Variants in SMG1 observed in about 807,000 individuals in gnomAD.
The protein encoded by SMG1 is SMG1 nonsense mediated mRNA decay associated PI3K related kinase, also known as serine/threonine-protein kinase SMG1.
Under a neutral mutation model 419.9 loss-of-function variants are expected in SMG1, and 22 were observed. The observed-to-expected ratio is 0.05, with a 90% CI of 0.04 to 0.07. The LOEUF (loss-of-function observed/expected upper bound fraction) is 0.07. Among genes scored for constraint, SMG1 ranks in the 10% least tolerant of loss-of-function variants. The probability of loss-of-function intolerance (pLI) is 1.00; values close to 1 mark genes in which losing one functional copy is unlikely to be tolerated. For missense variants in SMG1, 3,185 were observed against 4,342.0 expected (o/e 0.73, Z 7.49); for synonymous variants, 1,538 against 1,553.5 (o/e 0.99, Z 0.23).
intron 1 of SMG1, chr16:18,911,683 T>C (rs1041678550): frequency 2.0e-5 from 3 of 152,112 alleles, no homozygotes; most frequent in African/African-American, 7.2e-5. Context: ...CAGCTGGTAG[T>C]GCCAATACAA....
intron 60 of SMG1, 51 bp downstream of exon 60, chr16:18,815,124 C>T (rs927516954): frequency 8.9e-7 from 1 of 1,119,314 alleles, no homozygotes. Context: ...AACATCTTAG[C>T]ATCTATGTGT....
Position 18,829,462 on chromosome 16 carries a change from C to T in SMG1, c.9427G>A (p.Glu3143Lys). The T allele has an allele frequency of 6.2e-7, 1 of 1,613,996 alleles. No homozygotes were observed. Among genetic ancestry groups the T allele is most frequent in the East Asian group, 2.2e-5 (1 of 44,886 alleles). ...SVDDLCKKAV[E>K]HNIQIGKFSQ... ...AACTTCCCTATCTGGATGTTATGTT[C>T]CACCGCTTTCTTACAGAGATCATCA... The change falls in exon 54 of 63, where the codon GAA becomes AAA. Residue 3143 changes from glutamate (E) to lysine (K), a missense_variant. Physicochemically the swap from Glu to Lys is moderately conservative, Grantham distance 56. This residue lies in a region of SMG1 where 737 missense variants were observed against 846.6 expected (regional missense o/e 0.87). Coordinates refer to ENST00000446231, the MANE Select transcript of SMG1 (RefSeq NM_015092.5).
In SMG1 at chr16:18,842,896, A is replaced by G. The variant is rs555146165; in HGVS notation, c.6220-442T>C. Among the ~76,000 whole-genome samples the G allele has an allele frequency of 2.0e-5, 3 of 152,222 alleles. No homozygotes were observed. The East Asian group carries it at 5.8e-4, about 29-fold the overall frequency. Reference sequence around the variant, plus strand: ...TCTGCTGTTCTTATTTCTACATTTAACTCAGTACTGGGATCTGGGCCATCC... The same window carrying G: ...TCTGCTGTTCTTATTTCTACATTTAGCTCAGTACTGGGATCTGGGCCATCC... On this transcript the variant is annotated intron_variant, in intron 39 of 62. Coordinates refer to ENST00000446231, the MANE Select transcript of SMG1 (RefSeq NM_015092.5).
Position 18,885,578 on chromosome 16 carries a change from G to C in SMG1, c.911C>G (p.Ala304Gly). Residue 304 changes from alanine (A) to glycine (G), a missense_variant, in exon 7 of 63, where the codon GCT (alanine) becomes GGT (glycine). This residue lies in a region of SMG1 where 53 missense variants were observed against 56.3 expected (regional missense o/e 0.94). Transcript: ENST00000446231. The stretch of plus-strand genomic sequence containing the variant: ...GCTGAAAATATGAGGGTAACATCGA[G>C]CCACCAAAAGAATGCACTTAACACA... ...CKCVKCILLV[A>G]RCYPHIFSTN... The C allele has an allele frequency of 6.3e-7, 1 of 1,596,030 alleles. No homozygotes were observed. The highest frequency in any genetic ancestry group is 8.5e-7 in the Non-Finnish European group (1 of 1,179,554).
At chr16:18,885,041 G>A (rs1280604357) in intron 8 of SMG1, 49 bp downstream of exon 8, 1 of 648,860 alleles carries the variant, frequency 1.5e-6, no homozygotes, top group East Asian at 2.7e-5. Flanking sequence ...GGGGACCACT[G>A]CTCCTCCCCG....
At chr16:18,843,092 G>T (rs1487333544) in intron 39 of SMG1, among the ~76,000 whole-genome samples, 2 of 152,116 alleles carry the variant, frequency 1.3e-5, no homozygotes, top group Admixed American at 1.3e-4. Flanking sequence ...CCCCAATGTT[G>T]AGCTATGTAT....
intron 29 of SMG1, among the ~76,000 whole-genome samples, chr16:18,855,498 C>T (rs1014728831): frequency 3.9e-5 from 6 of 152,200 alleles, no homozygotes; most frequent in African/African-American, 1.4e-4. Context: ...TGGTCATCTA[C>T]ACTCTATTTA....
intron 55 of SMG1, among the ~76,000 whole-genome samples, chr16:18,827,746 T>C (rs1238477759): frequency 6.9e-6 from 1 of 145,372 alleles, no homozygotes; most frequent in East Asian, 1.9e-4. Context: ...ATATATATTT[T>C]TATATATCTT....
intron 10 of SMG1, among the ~76,000 whole-genome samples, chr16:18,881,145 TA>T (rs1184342754): frequency 2.2e-3 from 300 of 138,986 alleles, no homozygotes; most frequent in African/African-American, 6.6e-3. Flanking sequence ...AAATTAAATT[TA>T]AAAAAAAAAA....
At position 18,869,863 on chromosome 16, in the gene SMG1, T is replaced by A; in HGVS notation, c.2624A>T (p.His875Leu). 1 of 1,584,710 alleles carries A rather than the reference T, an allele frequency of 6.3e-7. No homozygotes were observed. The highest frequency in any genetic ancestry group is 8.6e-7 in the Non-Finnish European group (1 of 1,168,656). ...VISFILYGNS[H>L]RTGKDNWLER... is the part of the protein sequence containing the mutation. The stretch of plus-strand genomic sequence containing the variant: ...CAAAGAAATGCCTTACCCTGTTCTA[T>A]GAGAGTTCCCATACAAAATAAAACT... The change falls in exon 19 of 63, where the codon CAT (histidine) becomes CTT (leucine). Residue 875 changes from histidine to leucine, a missense_variant. By Grantham distance (99) the His-to-Leu change is moderately conservative. Around this residue, in one of 27 missense-constraint regions of SMG1, gnomAD observed 297 missense variants for 491.0 expected, o/e 0.60. Coordinates refer to ENST00000446231, the MANE Select transcript of SMG1 (RefSeq NM_015092.5).
At chr16:18,871,541 T>G in intron 15 of SMG1, 59 bp from the exon 16 acceptor site, 1 of 794,316 alleles carries the variant, frequency 1.3e-6, no homozygotes. Context: ...CAAAAAACAT[T>G]AAAAGCCTAG....
At chr16:18,853,949 C>G (rs2034747047) in intron 30 of SMG1, 82 bp from the exon 31 acceptor site, 2 of 1,293,204 alleles carry the variant, frequency 1.5e-6, no homozygotes, top group Non-Finnish European at 2.1e-6. Context: ...AAACAAATAT[C>G]AACATGGTGA....
intron 25 of SMG1, 127 bp from the exon 26 acceptor site, chr16:18,860,903 C>T (rs2035181003): frequency 2.0e-6 from 1 of 505,946 alleles, no homozygotes; most frequent in East Asian, 3.3e-5. Context: ...GACAAAATTC[C>T]TTCCACGAGG....
At chr16:18,879,875 T>C (rs867682085) in intron 10 of SMG1, among the ~76,000 whole-genome samples, 156 bp from the exon 11 acceptor site, 8 of 152,268 alleles carry the variant, frequency 5.3e-5, no homozygotes, top group Middle Eastern at 3.2e-3. Flanking sequence ...TGAATAATAA[T>C]GATATCTTTA....
At chr16:18,880,850 A>G (rs1488770078) in intron 10 of SMG1, among the ~76,000 whole-genome samples, 1 of 151,758 alleles carries the variant, frequency 6.6e-6, no homozygotes, top group Non-Finnish European at 1.5e-5. Flanking sequence ...CCTGGGAAAC[A>G]CTGAGACCCC....
At chr16:18,867,778 G>T (rs1170930829) in intron 22 of SMG1, among the ~76,000 whole-genome samples, 2 of 136,894 alleles carry the variant, frequency 1.5e-5, no homozygotes, top group Non-Finnish European at 3.0e-5. Context: ...GTGCGATCTC[G>T]GTTCACTGCA....
chr16:18,855,704 C>A (rs2034860755), intron 29 of SMG1, among the ~76,000 whole-genome samples: 1 of 152,154 alleles, frequency 6.6e-6, no homozygotes, highest in East Asian at 1.9e-4. Flanking sequence ...TTTTTTCTTT[C>A]CCTACTGCCA....
chr16:18,864,187 C>CTTTTTTTTTTTTT (rs748193551), intron 23 of SMG1, 43 bp from the exon 24 acceptor site: 2 of 526,210 alleles, frequency 3.8e-6, no homozygotes, highest in Non-Finnish European at 5.2e-6. Flanking sequence ...TATCTACTTA[C>CTTTTTTTTTTTTT]TTTTTTTTTT....
At chr16:18,874,915 T>C (rs1419349176) in intron 13 of SMG1, among the ~76,000 whole-genome samples, 4 of 143,944 alleles carry the variant, frequency 2.8e-5, no homozygotes, top group African/African-American at 7.8e-5. Context: ...TTTTTTTTTT[T>C]TTTTCCCCTA....
Sources: gnomAD v4.1 joint callset for allele counts (sites outside exome capture counted in the v4.1 genomes callset) on GRCh38, gnomAD v4.1.1 for gene constraint, gnomAD v4.1.1 regional missense constraint, MANE v1.5 for transcripts, NCBI Gene and HGNC (gene_info 2026-07-23, HGNC 2026-07-21) for gene names.